The following INTS14 variants were observed in gnomAD, a reference collection of about 807,000 sequenced individuals.
INTS14 encodes the protein integrator complex subunit 14, also known as UPF0464 protein C15orf44.
A neutral mutation model predicts 56.9 loss-of-function variants in INTS14; 27 were observed. The observed-to-expected ratio is 0.47, with a 90% CI of 0.35 to 0.65. The LOEUF (loss-of-function observed/expected upper bound fraction) is 0.65. Ranked by LOEUF, INTS14 falls within the 30% of genes least tolerant of loss-of-function variation. The pLI is 0.00. For synonymous variants in INTS14, 207 were observed against 236.2 expected, an observed-to-expected ratio of 0.88 and a Z score of 1.13; for missense variants, 517 against 632.2, an observed-to-expected ratio of 0.82 and a Z score of 1.95.
chr15:65,592,621 G>C (rs1349676727), intron 8 of INTS14, among the ~76,000 whole-genome samples: 2 of 152,192 alleles, frequency 1.3e-5, no homozygotes, highest in East Asian at 1.9e-4. Flanking sequence ...CTCATCTATA[G>C]ATAGGGATAA....
At chr15:65,598,843 A>G (rs749612656) in intron 5 of INTS14, 29 bp downstream of exon 5, 28 of 1,519,346 alleles carry the variant, frequency 1.8e-5, no homozygotes, top group Non-Finnish European at 2.5e-5. Flanking sequence ...ATTGTAAAGA[A>G]GGCAAAAGAG....
chr15:65,605,087 A>G, intron 3 of INTS14, 42 bp downstream of exon 3: 1 of 1,454,584 alleles, frequency 6.9e-7, no homozygotes, highest in Middle Eastern at 1.7e-4. Context: ...CTCAGTGGTT[A>G]ATGTTGTTAA....
chr15:65,591,732 C>T lies in INTS14; in HGVS notation c.987-1G>A. On this transcript the variant is annotated splice_acceptor_variant, in intron 8 of 11. Transcript: ENST00000313182. LOFTEE classifies it high-confidence loss of function. ...GTAGAGCATTCCATGCCATTCAGGA[C>T]TAGATGGAGAGAAGACGGAAGATCA... The T allele has an allele frequency of 6.2e-7, 1 of 1,613,716 alleles. No homozygotes were observed. The highest frequency in any genetic ancestry group is 8.5e-7 in the Non-Finnish European group (1 of 1,179,864).
At chr15:65,609,309 CAA>C (rs1257707993) in intron 1 of INTS14, among the ~76,000 whole-genome samples, 2 of 151,638 alleles carry the variant, frequency 1.3e-5, no homozygotes, top group Non-Finnish European at 2.9e-5. Flanking sequence ...TTCATGGAAA[CAA>C]TGTTTACAAC....
intron 5 of INTS14, 142 bp from the exon 6 acceptor site, chr15:65,598,605 A>G: frequency 1.0e-6 from 1 of 960,252 alleles, no homozygotes; most frequent in Non-Finnish European, 1.5e-6. Context: ...AAAATCTGAC[A>G]TTTTTGGTGA....
At chr15:65,597,336 C>T (rs1226344567) in intron 6 of INTS14, among the ~76,000 whole-genome samples, 2 of 152,224 alleles carry the variant, frequency 1.3e-5, no homozygotes, top group East Asian at 3.8e-4. Context: ...TGGGCACCTA[C>T]TAAGTGTCAG....
chr15:65,605,746 C>A lies in INTS14; in HGVS notation c.223-510G>T, dbSNP rs2073620494. ...CTGGATTTGTAAGTATGCAGTCTGA[C>A]TTCAGGGCTCCTGGTCTAAAACATT... On this transcript the variant is annotated intron_variant, in intron 2 of 11. Coordinates refer to ENST00000313182, the MANE Select transcript of INTS14 (RefSeq NM_001394796.1). 2.6e-5 allele frequency among the ~76,000 whole-genome samples: 4 copies of A among 152,302 alleles called. 1 individual carries two copies. In the South Asian group the frequency reaches 8.3e-4, roughly 32 times the overall value.
chr15:65,594,389 TTTTC>T (rs537789147), intron 7 of INTS14, among the ~76,000 whole-genome samples: 41 of 146,232 alleles, frequency 2.8e-4, no homozygotes, highest in African/African-American at 4.9e-4. Context: ...ATATTTTTCT[TTTTC>T]TTTCTTTTTT....
intron 3 of INTS14, among the ~76,000 whole-genome samples, chr15:65,604,032 G>T (rs2073544691): frequency 6.6e-6 from 1 of 152,168 alleles, no homozygotes; most frequent in South Asian, 2.1e-4. Context: ...ACTCTGCTCT[G>T]ATTTGATACT....
chr15:65,588,920 T>G (rs1029413780), intron 9 of INTS14, among the ~76,000 whole-genome samples: 23 of 152,186 alleles, frequency 1.5e-4, no homozygotes, highest in African/African-American at 4.8e-4. Context: ...GCACAGTGCC[T>G]GGCACAAAGT....
Position 65,581,979 on chromosome 15 carries a change from G to C in INTS14, c.1280C>G (p.Pro427Arg). 6.2e-7 allele frequency: 1 copy of C among 1,612,372 alleles called. No individual in the cohort carries two copies. The highest frequency in any genetic ancestry group is 1.3e-5 in the African/African-American group (1 of 74,826). ...QKILRNARKL[P>R]EKTQTFYKEL... ...CTTATAGAATGTCTGTGTTTTTTCA[G>C]GTAGTTTCCTTGCATTTCTTAAAAT... Residue 427 changes from proline (P) to arginine (R), a missense_variant, in exon 11 of 12, where the codon CCT becomes CGT. Transcript: ENST00000313182.
At chr15:65,605,049 T>G in intron 3 of INTS14, 80 bp downstream of exon 3, 1 of 995,930 alleles carries the variant, frequency 1.0e-6, no homozygotes, top group Admixed American at 1.8e-5. Context: ...ATGCATGCTG[T>G]GTCAGAGCCT....
In INTS14 at chr15:65,587,628, T is replaced by C. The variant is rs182107872; in HGVS notation, c.1121-2740A>G. Among the ~76,000 whole-genome samples the C allele has an allele frequency of 2.0e-5, 3 of 151,642 alleles. No homozygotes were observed. The East Asian group carries it at 5.8e-4, about 29-fold the overall frequency. On this transcript the variant is annotated intron_variant, in intron 9 of 11. Transcript: ENST00000313182. Reference sequence around the variant, plus strand: ...GCGTCTTGTGTAGGTGGGTGGGAGATGGTGGTGTTAATAGAGCTAAATATT... The same window carrying C: ...GCGTCTTGTGTAGGTGGGTGGGAGACGGTGGTGTTAATAGAGCTAAATATT...
rs933133797 is a variant in INTS14 at position 65,609,543 on chromosome 15, T to C, written c.-63+1555A>G. Among the ~76,000 whole-genome samples, 7 of 152,326 alleles carry C rather than the reference T, an allele frequency of 4.6e-5. No individual in the cohort carries two copies. The East Asian group carries it at 1.4e-3, about 29-fold the overall frequency. On this transcript the variant is annotated intron_variant, in intron 1 of 11. Coordinates refer to ENST00000313182, the MANE Select transcript of INTS14 (RefSeq NM_001394796.1). ...ACTTATCACAGTAACTGGCACATAGTAGGTGCCCAACAATTTGATAACAAC... is the reference window on the plus strand; with the variant it reads ...ACTTATCACAGTAACTGGCACATAGCAGGTGCCCAACAATTTGATAACAAC...
chr15:65,608,364 CAAAAAAA>C (rs35399300), intron 1 of INTS14, among the ~76,000 whole-genome samples: 2 of 64,036 alleles, frequency 3.1e-5, no homozygotes, highest in Non-Finnish European at 6.3e-5. Context: ...GGCTCCATCT[CAAAAAAA>C]AAAAAAAAAA....
chr15:65,598,837 TA>T, intron 5 of INTS14, 34 bp downstream of exon 5: 1 of 1,495,716 alleles, frequency 6.7e-7, no homozygotes, highest in South Asian at 1.2e-5. Context: ...TACTGGATTG[TA>T]AAGAAGGCAA....
At chr15:65,608,992 G>A (rs1490806249) in intron 1 of INTS14, among the ~76,000 whole-genome samples, 6 of 152,188 alleles carry the variant, frequency 3.9e-5, no homozygotes, top group African/African-American at 1.4e-4. Context: ...CCGCCTCCCG[G>A]GTTCACGCCA....
chr15:65,583,711 CAA>C (rs1438548189), intron 10 of INTS14, among the ~76,000 whole-genome samples: 1 of 151,468 alleles, frequency 6.6e-6, no homozygotes, highest in East Asian at 1.9e-4. Context: ...AAAATAAACC[CAA>C]GATAGTAGTG....
chr15:65,599,015 T>G (rs757913948), intron 4 of INTS14, 25 bp from the exon 5 acceptor site: 8 of 1,575,142 alleles, frequency 5.1e-6, no homozygotes, highest in Non-Finnish European at 6.9e-6. Flanking sequence ...AGATGACCCT[T>G]AAAGTGGCTG....
Sources: gnomAD v4.1 joint callset for allele counts (sites outside exome capture counted in the v4.1 genomes callset) on GRCh38, gnomAD v4.1.1 for gene constraint, MANE v1.5 for transcripts, NCBI Gene and HGNC (gene_info 2026-07-23, HGNC 2026-07-21) for gene names.